Variants in ADGRV1 observed in about 807,000 individuals in gnomAD.
ADGRV1 encodes the protein G-protein coupled receptor 98.
A neutral mutation model predicts 596.2 loss-of-function variants in ADGRV1; 359 were observed. That is an observed-to-expected ratio of 0.60 (90% CI 0.55 to 0.66). The LOEUF (loss-of-function observed/expected upper bound fraction) is 0.66, where lower values mean the gene tolerates loss of function less well. Ranked by LOEUF, ADGRV1 falls within the 30% of genes least tolerant of loss-of-function variation. The pLI is 0.00. For missense variants in ADGRV1, 7,274 were observed against 7,575.6 expected, an observed-to-expected ratio of 0.96 and a Z score of 1.48; for synonymous variants, 2,681 against 2,679.2, an observed-to-expected ratio of 1.00 and a Z score of -0.02.
In ADGRV1 at chr5:90,756,445, A is replaced by AT; in HGVS notation, c.11581-8dup. ...AAATGAAACACCATCTTTTTCCCCC[A>AT]TCCCCCAGGATGACCTTCCTGAATT... On this transcript the variant is annotated splice_polypyrimidine_tract_variant and intron_variant, in intron 55 of 89. Coordinates refer to ENST00000405460, the MANE Select transcript of ADGRV1 (RefSeq NM_032119.4). 1 of 1,381,550 alleles carries AT rather than the reference A, an allele frequency of 7.2e-7. No homozygotes were observed. The highest frequency in any genetic ancestry group is 1.5e-5 in the African/African-American group (1 of 66,658). The allele number at this position is 1,381,550 out of a possible 1,614,324, so 85.6% of individuals were successfully genotyped here.
At chr5:90,874,395 A>C (rs1346358801) in intron 83 of ADGRV1, among the ~76,000 whole-genome samples, 1 of 152,020 alleles carries the variant, frequency 6.6e-6, no homozygotes, top group Non-Finnish European at 1.5e-5. Context: ...TGTTATGTTT[A>C]TTCATATCAT....
rs1581692824 is a variant in ADGRV1 at position 90,977,701 on chromosome 5, T to C, written c.17974-7643T>C. On this transcript the variant is annotated intron_variant, in intron 84 of 89. Transcript: ENST00000405460. The stretch of plus-strand genomic sequence containing the variant: ...GGGAAAAATAGTAGGGAAAATGTTA[T>C]TGTAAAAATAAATAGATAGGTTTGT... Among the ~76,000 whole-genome samples the C allele has an allele frequency of 3.3e-5, 5 of 152,320 alleles. 1 individual carries two copies. The highest frequency in any genetic ancestry group is 3.3e-4 in the Admixed American group (5 of 15,302).
chr5:90,594,900 G>A (rs1174461711), intron 1 of ADGRV1, among the ~76,000 whole-genome samples: 2 of 149,152 alleles, frequency 1.3e-5, no homozygotes, highest in African/African-American at 2.5e-5. Flanking sequence ...ACACAGACAC[G>A]GCAACCATCC....
rs558358137 is a variant in ADGRV1 at position 90,822,141 on chromosome 5, C to G, written c.16197-1284C>G. Reference sequence around the variant, plus strand: ...TGGTGTGCCGTTTTTTAAGCCGGTCCGAAAAGCGCAATATTTGGGTGGGAG... The same window carrying G: ...TGGTGTGCCGTTTTTTAAGCCGGTCGGAAAAGCGCAATATTTGGGTGGGAG... On this transcript the variant is annotated intron_variant, in intron 75 of 89. Coordinates refer to ENST00000405460, the MANE Select transcript of ADGRV1 (RefSeq NM_032119.4). 100 of 155,474 alleles carry G rather than the reference C, an allele frequency of 6.4e-4. 1 individual carries two copies. In the South Asian group the frequency reaches 0.02, roughly 30 times the overall value. 9.6% of individuals were successfully genotyped at this position (155,474 alleles called of 1,614,324 possible).
chr5:90,751,324 C>A (rs1755227697), intron 53 of ADGRV1, among the ~76,000 whole-genome samples: 1 of 152,084 alleles, frequency 6.6e-6, no homozygotes, highest in African/African-American at 2.4e-5. Context: ...CTATTGATAT[C>A]CCCATTTTAG....
At chr5:90,862,394 A>G (rs983936171) in intron 82 of ADGRV1, among the ~76,000 whole-genome samples, 2 of 152,156 alleles carry the variant, frequency 1.3e-5, no homozygotes, top group African/African-American at 4.8e-5. Context: ...ACACATGCAC[A>G]CATACATGCA....
At chr5:90,790,200 C>T (rs1261383948) in intron 69 of ADGRV1, among the ~76,000 whole-genome samples, 1 of 152,196 alleles carries the variant, frequency 6.6e-6, no homozygotes, top group African/African-American at 2.4e-5. Context: ...CCTTATTTCT[C>T]ATTAGAATTT....
chr5:90,943,387 C>T (rs1241697053), intron 83 of ADGRV1, among the ~76,000 whole-genome samples: 1 of 152,120 alleles, frequency 6.6e-6, no homozygotes, highest in Non-Finnish European at 1.5e-5. Flanking sequence ...AGATCACACA[C>T]CTTCTTGAAC....
At chr5:90,950,214 T>C (rs751902682) in intron 83 of ADGRV1, among the ~76,000 whole-genome samples, 14 of 152,226 alleles carry the variant, frequency 9.2e-5, no homozygotes, top group Non-Finnish European at 2.1e-4. Flanking sequence ...TCTTAGTGTA[T>C]GTATATTGCT....
chr5:90,560,038 T>C (rs1433972972), intron 1 of ADGRV1, among the ~76,000 whole-genome samples: 1 of 152,174 alleles, frequency 6.6e-6, no homozygotes, highest in Non-Finnish European at 1.5e-5. Context: ...TACAGGGAGA[T>C]GTCAAATAGA....
At chr5:91,082,838 A>C (rs922220843) in intron 86 of ADGRV1, among the ~76,000 whole-genome samples, 3 of 152,098 alleles carry the variant, frequency 2.0e-5, no homozygotes, top group Non-Finnish European at 4.4e-5. Context: ...CTTGGTTTGC[A>C]ACTTTTTCCA....
At chr5:90,963,586 C>T (rs568730133) in intron 83 of ADGRV1, among the ~76,000 whole-genome samples, 1 of 151,586 alleles carries the variant, frequency 6.6e-6, no homozygotes, top group South Asian at 2.1e-4. Context: ...GTGTGTATTA[C>T]AAATGCACCA....
At chr5:90,589,953 T>C (rs1759257670) in intron 1 of ADGRV1, among the ~76,000 whole-genome samples, 1 of 152,196 alleles carries the variant, frequency 6.6e-6, no homozygotes. Flanking sequence ...TACTCACTTA[T>C]ATACATAAAT....
chr5:91,049,218 GAC>G (rs1429688564), intron 85 of ADGRV1, among the ~76,000 whole-genome samples: 2 of 152,164 alleles, frequency 1.3e-5, no homozygotes, highest in African/African-American at 4.8e-5. Flanking sequence ...GAGTTTATGT[GAC>G]ACAGCACTGG....
chr5:90,694,290 A>T lies in ADGRV1; in HGVS notation c.7534A>T (p.Ile2512Leu), dbSNP rs1404014734. Residue 2512 changes from isoleucine (I) to leucine (L), a missense_variant, in exon 33 of 90, where the codon ATA becomes TTA. By Grantham distance (5) the Ile-to-Leu change is conservative. Around this residue, in one of 5 missense-constraint regions of ADGRV1, gnomAD observed 3,643 missense variants for 3,809.2 expected, o/e 0.96. Transcript: ENST00000405460. ...TGAGCCTGTGACAAGGCAATGGGCC[A>T]TAATGCAGGAAGGTGATGAATTCGC... Reference protein sequence around the residue: ...DYEPVTRQWAIMQEGDEFANL... With the variant: ...DYEPVTRQWALMQEGDEFANL... 1 of 1,613,882 alleles carries T rather than the reference A, an allele frequency of 6.2e-7. No homozygotes were observed. The highest frequency in any genetic ancestry group is 1.1e-5 in the South Asian group (1 of 91,096).
chr5:91,095,694 G>C (rs558231227), intron 86 of ADGRV1, among the ~76,000 whole-genome samples: 1 of 152,178 alleles, frequency 6.6e-6, no homozygotes, highest in Admixed American at 6.6e-5. Context: ...TTAGAAATAA[G>C]GCTCTTTGAT....
intron 83 of ADGRV1, among the ~76,000 whole-genome samples, chr5:90,896,568 C>A (rs1036776624): frequency 6.6e-6 from 1 of 152,016 alleles, no homozygotes; most frequent in Admixed American, 6.6e-5. Context: ...AGCCACTGCA[C>A]CTGGCTGATT....
intron 83 of ADGRV1, among the ~76,000 whole-genome samples, chr5:90,952,151 A>G (rs553223116): frequency 2.0e-4 from 31 of 152,276 alleles, no homozygotes; most frequent in African/African-American, 7.2e-4. Flanking sequence ...CTCTCTTTTT[A>G]GTACTGGTTG....
At chr5:90,678,311 T>C (rs1744509337) in intron 25 of ADGRV1, among the ~76,000 whole-genome samples, 1 of 152,200 alleles carries the variant, frequency 6.6e-6, no homozygotes, top group Non-Finnish European at 1.5e-5. Flanking sequence ...TTTCTATTGC[T>C]GTCATCACTG....
Sources: allele counts gnomAD v4.1 joint callset (sites outside exome capture counted in the v4.1 genomes callset), GRCh38; gene constraint gnomAD v4.1.1; regional missense constraint gnomAD v4.1.1; transcripts MANE v1.5; gene names NCBI Gene and HGNC (gene_info 2026-07-23, HGNC 2026-07-21).